SLC11A2: variants seen among roughly 807,000 people sequenced by gnomAD.
SLC11A2 encodes natural resistance-associated macrophage protein 2.
A neutral mutation model predicts 68.0 loss-of-function variants in SLC11A2; 38 were observed. That is an observed-to-expected ratio of 0.56 (90% CI 0.43 to 0.73). The LOEUF (loss-of-function observed/expected upper bound fraction) is 0.73. SLC11A2 is among the 30% of genes least tolerant of loss of function. SLC11A2 has a pLI of 0.00. For missense variants in SLC11A2, 517 were observed against 690.5 expected (o/e 0.75, Z 2.82); for synonymous variants, 242 against 250.6 (o/e 0.97, Z 0.32).
chr12:51,025,030 AAC>A lies in SLC11A2; in HGVS notation c.-39+1278_-39+1279del, dbSNP rs141137424. On this transcript the variant is annotated intron_variant, in intron 1 of 15. Coordinates refer to ENST00000262052, the MANE Select transcript of SLC11A2 (RefSeq NM_000617.3). The stretch of plus-strand genomic sequence containing the variant: ...CGAAGGTTTCAGGTTTCATTTACCC[AAC>A]ACAGGTATCACAATAAATGACCTAG... 8.5e-3 allele frequency among the ~76,000 whole-genome samples: 1,297 copies of A among 152,342 alleles called. 20 individuals carry two copies. The highest frequency in any genetic ancestry group is 0.029 in the African/African-American group (1,198 of 41,582).
chr12:50,952,810 A>T, the SLC11A2 span, among the ~76,000 whole-genome samples: 4 of 152,178 alleles, frequency 2.6e-5, no homozygotes, highest in Non-Finnish European at 5.9e-5. Context: ...GGATGGCAAG[A>T]ATCCTGGCCT....
At chr12:50,992,132 G>C in intron 13 of SLC11A2, 58 bp downstream of exon 13, 1 of 1,563,470 alleles carries the variant, frequency 6.4e-7, no homozygotes, top group Non-Finnish European at 8.8e-7. Context: ...TGGTACCCAA[G>C]GGCAGTACAT....
At chr12:50,961,458 T>G in the SLC11A2 span, among the ~76,000 whole-genome samples, 2 of 152,156 alleles carry the variant, frequency 1.3e-5, no homozygotes, top group Admixed American at 1.3e-4. Context: ...AGAGCAGCGA[T>G]CGTATTTCCC....
At chr12:50,981,785 C>T (rs1295393509), downstream of SLC11A2, 2 of 1,530,996 alleles carry the variant, frequency 1.3e-6, no homozygotes, top group Non-Finnish European at 1.7e-6. Context: ...TCAGGCTGAG[C>T]TGTCAATCCC....
intron 9 of SLC11A2, 106 bp from the exon 10 acceptor site, chr12:50,995,893 AC>A: frequency 2.9e-6 from 3 of 1,036,098 alleles, no homozygotes; most frequent in Non-Finnish European, 4.5e-6. Context: ...ACAAAAGTTG[AC>A]CAGACGAAAA....
chr12:51,012,503 T>C (rs1943315291), intron 1 of SLC11A2, among the ~76,000 whole-genome samples: 1 of 152,204 alleles, frequency 6.6e-6, no homozygotes, highest in Non-Finnish European at 1.5e-5. Flanking sequence ...TAATGATCTT[T>C]TACTGCTTAA....
Position 51,026,368 on chromosome 12 carries a change from G to C in SLC11A2, c.-97C>G, listed in dbSNP as rs1944391666. The C allele has an allele frequency of 1.6e-6, 2 of 1,282,144 alleles. No homozygotes were observed. Among genetic ancestry groups the C allele is most frequent in the South Asian group, 1.2e-5 (1 of 80,642 alleles). The allele number at this position is 1,282,144 out of a possible 1,614,324, so 79.4% of individuals were successfully genotyped here. On this transcript the variant is annotated 5_prime_UTR_variant, in exon 1 of 16. Coordinates refer to ENST00000262052, the MANE Select transcript of SLC11A2 (RefSeq NM_000617.3). ...CCCGCGCCCAGGGCTCCATATTCCG[G>C]GAGCCAGCGCCACGCTGGCTAACGC...
At position 50,987,933 on chromosome 12, in the gene SLC11A2, T is replaced by A. The variant is rs142574280; in HGVS notation, c.*392A>T. ...TACATTTTGATAAATAAAACTTGCA[T>A]ACTCATTCTGTAGTTTGTATAATAA... is the stretch of plus-strand genomic sequence containing the variant. On this transcript the variant is annotated 3_prime_UTR_variant, in exon 16 of 16. Transcript: ENST00000262052. 3.9e-6 allele frequency: 5 copies of A among 1,280,050 alleles called. No homozygotes were observed. The African/African-American group carries it at 7.6e-5, about 20-fold the overall frequency. The allele number at this position is 1,280,050 out of a possible 1,614,324, so 79.3% of individuals were successfully genotyped here. A position where few individuals can be genotyped will look rare whatever the true frequency, so the allele number is the denominator to read the frequency against.
intron 15 of SLC11A2, among the ~76,000 whole-genome samples, chr12:50,988,694 CTTT>C (rs954454901): frequency 9.9e-5 from 15 of 151,910 alleles, no homozygotes; most frequent in Admixed American, 8.5e-4. Context: ...TGTGGTTTTC[CTTT>C]TTTTTAAAAT....
downstream of SLC11A2, among the ~76,000 whole-genome samples, chr12:50,975,510 T>C (rs1592278593): frequency 6.6e-6 from 1 of 152,300 alleles, no homozygotes; most frequent in South Asian, 2.1e-4. Flanking sequence ...GGGAAATTTA[T>C]AGCACTAAAT....
At chr12:51,007,682 C>T (rs1942844129) in intron 3 of SLC11A2, among the ~76,000 whole-genome samples, 1 of 149,472 alleles carries the variant, frequency 6.7e-6, no homozygotes. Flanking sequence ...ATTCTGTTAC[C>T]CAGAGTGGAG....
chr12:51,026,255 C>G (rs2136448253), intron 1 of SLC11A2, 55 bp downstream of exon 1: 2 of 1,216,906 alleles, frequency 1.6e-6, no homozygotes, highest in South Asian at 2.6e-5. Flanking sequence ...CCGCCCCGCG[C>G]CCCTCCCTGC....
Position 50,994,596 on chromosome 12 carries a change from G to C in SLC11A2, c.1025C>G (p.Ala342Gly), listed in dbSNP as rs750997531. The C allele has an allele frequency of 6.2e-7, 1 of 1,612,656 alleles. No homozygotes were observed. The highest frequency in any genetic ancestry group is 8.5e-7 in the Non-Finnish European group (1 of 1,178,632). The change falls in exon 11 of 16, where the codon GCT (alanine) becomes GGT (glycine). Residue 342 changes from alanine (A) to glycine (G), a missense_variant. Transcript: ENST00000262052. ...EVCTNTSSPH[A>G]GLFPKDNSTL... The stretch of plus-strand genomic sequence containing the variant: ...CGAGTTATCTTTAGGAAAGAGGCCA[G>C]CATGAGGACTGCTGGTATTTGTACA...
chr12:50,967,315 T>G, the SLC11A2 span, among the ~76,000 whole-genome samples: 1 of 152,084 alleles, frequency 6.6e-6, no homozygotes, highest in Non-Finnish European at 1.5e-5. Flanking sequence ...CTGGCTAATT[T>G]TAAAATTTTT....
intron 15 of SLC11A2, 174 bp downstream of exon 15, chr12:50,990,621 A>G: frequency 1.6e-6 from 1 of 643,178 alleles, no homozygotes; most frequent in Non-Finnish European, 2.7e-6. Flanking sequence ...TGTTGCCCAG[A>G]TTGGTCTCTA....
intron 2 of SLC11A2, chr12:51,009,330 C>T (rs1284354709): frequency 8.1e-7 from 1 of 1,241,342 alleles, no homozygotes; most frequent in African/African-American, 1.5e-5. Context: ...AGACTGATAT[C>T]AGCGTTTCCC....
rs1941311493 is a variant in SLC11A2, at chr12:50,992,837, T to C, written c.1170A>G (p.Gly390=). 3.1e-6 allele frequency: 5 copies of C among 1,613,840 alleles called. No individual in the cohort carries two copies. The African/African-American group carries it at 4.0e-5, about 13-fold the overall frequency. The part of the protein sequence containing the change: ...LAAGQSSTMT[G]TYSGQFVMEG... ...CCATGACAAACTGGCCAGAATAGGT[T>C]CCTGTCATGGTGGAGCTCTGTCCTG... is the stretch of plus-strand genomic sequence containing the variant. Residue 390 remains glycine, a synonymous_variant, in exon 12 of 16, where the codon GGA becomes GGG. Coordinates refer to ENST00000262052, the MANE Select transcript of SLC11A2 (RefSeq NM_000617.3).
intron 8 of SLC11A2, 83 bp from the exon 9 acceptor site, chr12:50,997,055 T>C: frequency 9.1e-7 from 1 of 1,094,946 alleles, no homozygotes; most frequent in Non-Finnish European, 1.4e-6. Context: ...TTAGCATCCT[T>C]TATCCCTTAC....
intron 1 of SLC11A2, among the ~76,000 whole-genome samples, chr12:51,015,201 C>T (rs951922041): frequency 1.4e-5 from 2 of 140,432 alleles, no homozygotes; most frequent in Admixed American, 7.4e-5. Context: ...AGGGGCCGGG[C>T]GCAGTGGCTC....
Sources: gnomAD v4.1 joint callset for allele counts (sites outside exome capture counted in the v4.1 genomes callset) on GRCh38, gnomAD v4.1.1 for gene constraint, MANE v1.5 for transcripts, NCBI Gene and HGNC (gene_info 2026-07-23, HGNC 2026-07-21) for gene names.